ARHGAP28: variants seen among roughly 807,000 people sequenced by gnomAD.
The protein encoded by ARHGAP28 is rho GTPase-activating protein 28.
In ARHGAP28, 56 loss-of-function variants were observed where a neutral mutation model predicts 90.7. The ratio of observed to expected loss-of-function variants is 0.62; its 90% CI spans 0.50 to 0.77. ARHGAP28 has a LOEUF of 0.77. Ranked by LOEUF, ARHGAP28 falls within the 30% of genes least tolerant of loss-of-function variation. The pLI is 0.00. For missense variants in ARHGAP28, 869 were observed against 900.9 expected, an observed-to-expected ratio of 0.96 and a Z score of 0.45; for synonymous variants, 308 against 323.3, an observed-to-expected ratio of 0.95 and a Z score of 0.51.
At chr18:6,852,731 C>G (rs1029127575) in intron 4 of ARHGAP28, among the ~76,000 whole-genome samples, 4 of 152,162 alleles carry the variant, frequency 2.6e-5, no homozygotes, top group African/African-American at 9.7e-5. Context: ...GCTCCGATAC[C>G]TTCTTCATAC....
chr18:6,782,470 T>C (rs2056331147), intron 1 of ARHGAP28, among the ~76,000 whole-genome samples: 1 of 151,724 alleles, frequency 6.6e-6, no homozygotes, highest in African/African-American at 2.4e-5. Flanking sequence ...CAGGCTGGAG[T>C]GCAGTGGCAC....
chr18:6,775,699 C>A (rs1218852542), intron 1 of ARHGAP28, among the ~76,000 whole-genome samples: 2 of 152,126 alleles, frequency 1.3e-5, no homozygotes, highest in African/African-American at 4.8e-5. Flanking sequence ...AACTTTAAAT[C>A]TCCTAAGTAA....
intron 16 of ARHGAP28, chr18:6,898,408 C>A: frequency 8.7e-7 from 1 of 1,147,306 alleles, no homozygotes; most frequent in Non-Finnish European, 1.3e-6. Context: ...TACACACACA[C>A]ATTAACCCGT....
chr18:6,911,001 C>T (rs1244028865), intron 17 of ARHGAP28, among the ~76,000 whole-genome samples: 10 of 152,094 alleles, frequency 6.6e-5, no homozygotes, highest in South Asian at 2.1e-4. Flanking sequence ...CCCATCACCA[C>T]GCCCGGCTAA....
chr18:6,787,101 T>A (rs575481885), intron 1 of ARHGAP28, among the ~76,000 whole-genome samples: 2 of 151,342 alleles, frequency 1.3e-5, no homozygotes, highest in South Asian at 2.1e-4. Context: ...ACGCATGTAA[T>A]CCCAGCTACT....
intron 2 of ARHGAP28, chr18:6,834,652 T>C (rs6506446): frequency 0.78 from 119,184 of 152,124 alleles, 46,804 homozygotes; most frequent in Middle Eastern, 0.81. Flanking sequence ...GAGGAACTGT[T>C]GCGAGTCTAT....
At chr18:6,768,910 T>C (rs2056221377) in intron 1 of ARHGAP28, among the ~76,000 whole-genome samples, 1 of 152,192 alleles carries the variant, frequency 6.6e-6, no homozygotes, top group African/African-American at 2.4e-5. Flanking sequence ...TCTTCTGTTG[T>C]GCTTCCTCTT....
intron 4 of ARHGAP28, among the ~76,000 whole-genome samples, chr18:6,856,036 G>A (rs2056950883): frequency 6.6e-6 from 1 of 151,962 alleles, no homozygotes; most frequent in Admixed American, 6.5e-5. Context: ...GGCCAAGTGG[G>A]CGGAATGAAC....
At chr18:6,833,046 A>G (rs537762803) in intron 2 of ARHGAP28, among the ~76,000 whole-genome samples, 1 of 152,194 alleles carries the variant, frequency 6.6e-6, no homozygotes, top group South Asian at 2.1e-4. Flanking sequence ...ACATACATCA[A>G]TGCAATGTTG....
intron 1 of ARHGAP28, among the ~76,000 whole-genome samples, chr18:6,784,159 G>A (rs2056348690): frequency 6.6e-6 from 1 of 152,114 alleles, no homozygotes; most frequent in Non-Finnish European, 1.5e-5. Context: ...CATGCAGTTG[G>A]AGATCCCTTC....
chr18:6,799,210 A>G (rs1050414379), intron 1 of ARHGAP28, among the ~76,000 whole-genome samples: 9 of 152,186 alleles, frequency 5.9e-5, no homozygotes, highest in African/African-American at 1.2e-4. Flanking sequence ...AAAAAATACA[A>G]TGGTTTCTGC....
chr18:6,779,557 T>C (rs1171616959), intron 1 of ARHGAP28, among the ~76,000 whole-genome samples: 1 of 152,200 alleles, frequency 6.6e-6, no homozygotes, highest in East Asian at 1.9e-4. Flanking sequence ...AAAGTTTCAA[T>C]ATATAGTTTC....
intron 4 of ARHGAP28, among the ~76,000 whole-genome samples, chr18:6,856,619 CCCT>C (rs138580571): frequency 0.037 from 5,634 of 152,240 alleles, 336 homozygotes; most frequent in African/African-American, 0.13. Context: ...CAATGATCCT[CCCT>C]CCTCAGCCTC....
intron 1 of ARHGAP28, among the ~76,000 whole-genome samples, chr18:6,756,935 A>G (rs886594377): frequency 6.6e-6 from 1 of 152,122 alleles, no homozygotes; most frequent in Admixed American, 6.5e-5. Flanking sequence ...AGTTGATTGG[A>G]TGGTGCCCAC....
intron 1 of ARHGAP28, among the ~76,000 whole-genome samples, chr18:6,734,859 A>G (rs894889721): frequency 6.6e-6 from 1 of 152,202 alleles, no homozygotes; most frequent in African/African-American, 2.4e-5. Flanking sequence ...TTTATAGGTC[A>G]TTCTTTATGT....
At chr18:6,773,580 G>A (rs1196899951) in intron 1 of ARHGAP28, among the ~76,000 whole-genome samples, 1 of 152,160 alleles carries the variant, frequency 6.6e-6, no homozygotes, top group Non-Finnish European at 1.5e-5. Context: ...CTAGTAAATG[G>A]CAAAGTTTTT....
chr18:6,729,995 G>T, intron 1 of ARHGAP28, 52 bp downstream of exon 1: 1 of 1,297,392 alleles, frequency 7.7e-7, no homozygotes, highest in East Asian at 3.2e-5. Context: ...GGCTTGGGGG[G>T]TTCGCCGTGC....
chr18:6,742,604 G>A, intron 1 of ARHGAP28, among the ~76,000 whole-genome samples: 1 of 152,182 alleles, frequency 6.6e-6, no homozygotes, highest in East Asian at 1.9e-4. Context: ...ATAATTAAGT[G>A]TATATGCTCA....
chr18:6,752,364 C>T (rs1220750786), intron 1 of ARHGAP28, among the ~76,000 whole-genome samples: 1 of 152,168 alleles, frequency 6.6e-6, no homozygotes, highest in Non-Finnish European at 1.5e-5. Flanking sequence ...GGAACTCAGA[C>T]CCAAATCAAA....
Sources: allele counts gnomAD v4.1 joint callset (sites outside exome capture counted in the v4.1 genomes callset), GRCh38; gene constraint gnomAD v4.1.1; transcripts MANE v1.5; gene names NCBI Gene and HGNC (gene_info 2026-07-23, HGNC 2026-07-21).